ACOXL: variants seen among roughly 807,000 people sequenced by gnomAD.
ACOXL encodes acyl-CoA oxidase like, also known as acyl-coenzyme A oxidase-like protein.
In ACOXL, 70 loss-of-function variants were observed where a neutral mutation model predicts 71.9. The observed-to-expected ratio is 0.97, with a 90% CI of 0.80 to 1.19. The LOEUF is 1.19. Ranked by LOEUF, ACOXL falls within the 50% of genes most tolerant of loss-of-function variation. ACOXL has a pLI of 0.00. For synonymous variants in ACOXL, 253 were observed against 281.6 expected (o/e 0.90, Z 1.02); for missense variants, 703 against 736.3 (o/e 0.95, Z 0.52).
intron 15 of ACOXL, among the ~76,000 whole-genome samples, chr2:111,045,863 G>C (rs1434560222): frequency 6.6e-6 from 1 of 152,200 alleles, no homozygotes; most frequent in African/African-American, 2.4e-5. Flanking sequence ...AACTCAGCCA[G>C]CCCACGAAGG....
At chr2:110,977,224 A>C (rs562704665) in intron 12 of ACOXL, among the ~76,000 whole-genome samples, 3 of 152,104 alleles carry the variant, frequency 2.0e-5, no homozygotes, top group Admixed American at 1.3e-4. Flanking sequence ...GTCTCTACTA[A>C]AAATATAAAA....
intron 11 of ACOXL, among the ~76,000 whole-genome samples, chr2:110,926,826 A>G (rs1478919508): frequency 6.6e-6 from 1 of 152,008 alleles, no homozygotes; most frequent in Non-Finnish European, 1.5e-5. Context: ...CTCTCTCCCC[A>G]TTCAGCCTGG....
chr2:111,006,225 C>T (rs2063865240), intron 14 of ACOXL, among the ~76,000 whole-genome samples: 1 of 152,208 alleles, frequency 6.6e-6, no homozygotes, highest in Non-Finnish European at 1.5e-5. Flanking sequence ...GCAAAGGTCA[C>T]CTCGTGTAAA....
chr2:111,065,486 G>A (rs1423769209), intron 16 of ACOXL, among the ~76,000 whole-genome samples: 2 of 152,182 alleles, frequency 1.3e-5, no homozygotes, highest in African/African-American at 4.8e-5. Context: ...CACACCCAAA[G>A]CGTGATTCAT....
intron 12 of ACOXL, among the ~76,000 whole-genome samples, chr2:110,957,828 G>A (rs1042134558): frequency 3.9e-5 from 6 of 151,986 alleles, no homozygotes; most frequent in African/African-American, 1.2e-4. Context: ...AGGCCGAGGC[G>A]GGCGGATCAC....
chr2:110,958,474 G>A (rs1221347757), intron 12 of ACOXL, among the ~76,000 whole-genome samples: 1 of 152,202 alleles, frequency 6.6e-6, no homozygotes, highest in Non-Finnish European at 1.5e-5. Flanking sequence ...CAGGGATGAG[G>A]TTTTAGGGAA....
At chr2:110,865,695 C>T (rs1468008329) in intron 10 of ACOXL, among the ~76,000 whole-genome samples, 1 of 152,190 alleles carries the variant, frequency 6.6e-6, no homozygotes, top group Non-Finnish European at 1.5e-5. Context: ...GCCAGCACTG[C>T]CATGGATTTA....
intron 12 of ACOXL, among the ~76,000 whole-genome samples, chr2:110,985,442 T>C (rs1409247345): frequency 6.6e-6 from 1 of 152,122 alleles, no homozygotes; most frequent in Non-Finnish European, 1.5e-5. Context: ...TTCAAGACAA[T>C]ACTTAAGGAA....
chr2:110,905,847 C>T (rs961102500), intron 10 of ACOXL, among the ~76,000 whole-genome samples: 1 of 152,140 alleles, frequency 6.6e-6, no homozygotes, highest in Admixed American at 6.5e-5. Flanking sequence ...GTGAAATTAC[C>T]TGGGAACTCA....
At position 110,855,793 on chromosome 2, in the gene ACOXL, C is replaced by T. The variant is rs952185153; in HGVS notation, c.788+14388C>T. On this transcript the variant is annotated intron_variant, in intron 10 of 17. Transcript: ENST00000439055. ...CTTCAAGAATGAAGCCGCGGACCTT[C>T]GCAGTGAGTGTTACAGCTCTTAAAG... Among the ~76,000 whole-genome samples the T allele has an allele frequency of 2.6e-5, 4 of 152,184 alleles. No individual in the cohort carries two copies. The East Asian group carries it at 5.8e-4, about 22-fold the overall frequency.
chr2:110,839,908 G>A (rs1243557479), intron 9 of ACOXL, among the ~76,000 whole-genome samples: 1 of 152,074 alleles, frequency 6.6e-6, no homozygotes, highest in Non-Finnish European at 1.5e-5. Flanking sequence ...TGATGTTTGG[G>A]GATCTTAAGC....
intron 16 of ACOXL, among the ~76,000 whole-genome samples, chr2:111,060,548 A>G (rs1303863946): frequency 2.0e-5 from 3 of 152,180 alleles, no homozygotes; most frequent in African/African-American, 7.2e-5. Context: ...ACCTAAGACA[A>G]GGTTTAAATA....
chr2:111,038,172 C>T (rs571205509), intron 15 of ACOXL, among the ~76,000 whole-genome samples: 1 of 152,276 alleles, frequency 6.6e-6, no homozygotes, highest in Non-Finnish European at 1.5e-5. Context: ...ACTGCCTTCT[C>T]AACTTTCATC....
chr2:110,885,847 T>G (rs1485209408), intron 10 of ACOXL, among the ~76,000 whole-genome samples: 1 of 152,232 alleles, frequency 6.6e-6, no homozygotes, highest in Non-Finnish European at 1.5e-5. Context: ...ATGGCTCAGC[T>G]GCTCGTAGCT....
chr2:110,999,541 A>C (rs780893502), intron 14 of ACOXL, among the ~76,000 whole-genome samples: 6 of 151,968 alleles, frequency 3.9e-5, no homozygotes, highest in Non-Finnish European at 5.9e-5. Flanking sequence ...CAAGAATCCC[A>C]CCTCCTGATA....
intron 10 of ACOXL, among the ~76,000 whole-genome samples, chr2:110,847,235 C>T (rs1265320770): frequency 6.6e-6 from 1 of 152,034 alleles, no homozygotes; most frequent in Non-Finnish European, 1.5e-5. Flanking sequence ...GATGTTCTTC[C>T]TGCCTGACGC....
intron 10 of ACOXL, among the ~76,000 whole-genome samples, chr2:110,902,656 C>G (rs1376365658): frequency 6.6e-6 from 1 of 152,166 alleles, no homozygotes; most frequent in Admixed American, 6.5e-5. Context: ...AATAAGAAGC[C>G]AGATGTTTAC....
chr2:110,768,799 G>C (rs531741447), intron 2 of ACOXL, among the ~76,000 whole-genome samples: 1 of 151,970 alleles, frequency 6.6e-6, no homozygotes, highest in East Asian at 1.9e-4. Flanking sequence ...AAGAACGTGC[G>C]GTATTTGGTT....
At chr2:110,765,763 A>C (rs1680972212) in intron 1 of ACOXL, among the ~76,000 whole-genome samples, 1 of 152,124 alleles carries the variant, frequency 6.6e-6, no homozygotes, top group Admixed American at 6.6e-5. Flanking sequence ...ATGAGGGTGA[A>C]CTGCTCATGA....
Sources: allele counts gnomAD v4.1 joint callset (sites outside exome capture counted in the v4.1 genomes callset), GRCh38; gene constraint gnomAD v4.1.1; transcripts MANE v1.5; gene names NCBI Gene and HGNC (gene_info 2026-07-23, HGNC 2026-07-21).